The following RUNDC3B variants were observed in gnomAD, a reference collection of about 807,000 sequenced individuals.
The protein encoded by RUNDC3B is RUN domain-containing protein 3B.
RUNDC3B carries 33 observed loss-of-function variants against 58.4 expected under a neutral mutation model. The ratio of observed to expected loss-of-function variants is 0.56; its 90% confidence interval spans 0.43 to 0.75. The LOEUF (loss-of-function observed/expected upper bound fraction) is 0.75, where lower values mean the gene tolerates loss of function less well. RUNDC3B is among the 30% of genes least tolerant of loss of function. RUNDC3B has a pLI of 0.00. For missense variants in RUNDC3B, 501 were observed against 535.7 expected (o/e 0.94, Z 0.64); for synonymous variants, 193 against 195.2 (o/e 0.99, Z 0.10).
intron 8 of RUNDC3B, among the ~76,000 whole-genome samples, chr7:87,800,228 A>C (rs574632897): frequency 3.9e-5 from 6 of 152,300 alleles, no homozygotes; most frequent in African/African-American, 7.2e-5. Flanking sequence ...AGGAAGAAGC[A>C]AAGTAGAGGG....
At chr7:87,668,363 T>C (rs973846696) in intron 2 of RUNDC3B, among the ~76,000 whole-genome samples, 2 of 152,050 alleles carry the variant, frequency 1.3e-5, no homozygotes, top group African/African-American at 4.8e-5. Flanking sequence ...TGTGTTTATT[T>C]GGAGCTTTTC....
chr7:87,651,793 T>C (rs572075689), intron 2 of RUNDC3B, among the ~76,000 whole-genome samples: 76 of 152,194 alleles, frequency 5.0e-4, no homozygotes, highest in African/African-American at 1.6e-3. Context: ...TTTAAATGAG[T>C]TGAGCAGTAC....
chr7:87,755,471 A>G (rs533112805), intron 6 of RUNDC3B, among the ~76,000 whole-genome samples: 2 of 152,322 alleles, frequency 1.3e-5, no homozygotes, highest in African/African-American at 4.8e-5. Context: ...TCCTTGATGA[A>G]CATTATTACA....
chr7:87,694,394 C>A (rs1052999039), intron 2 of RUNDC3B, among the ~76,000 whole-genome samples: 6 of 152,032 alleles, frequency 3.9e-5, no homozygotes, highest in Admixed American at 1.3e-4. Context: ...TTATTCAAAC[C>A]TTTTCTTTAA....
At chr7:87,817,583 C>G (rs754449559) in intron 10 of RUNDC3B, among the ~76,000 whole-genome samples, 2 of 152,200 alleles carry the variant, frequency 1.3e-5, no homozygotes, top group Non-Finnish European at 2.9e-5. Context: ...GCTTTTTCCA[C>G]TGCCCCAGAG....
intron 7 of RUNDC3B, among the ~76,000 whole-genome samples, chr7:87,773,557 T>A (rs957584270): frequency 1.3e-4 from 20 of 152,174 alleles, no homozygotes; most frequent in Admixed American, 6.5e-4. Context: ...TGATCTAAAA[T>A]ATATTAAATG....
At chr7:87,694,876 G>A (rs981059330) in intron 2 of RUNDC3B, among the ~76,000 whole-genome samples, 1 of 152,018 alleles carries the variant, frequency 6.6e-6, no homozygotes, top group Non-Finnish European at 1.5e-5. Flanking sequence ...TAATCTTTTT[G>A]TTTTGGAAAA....
intron 2 of RUNDC3B, 107 bp downstream of exon 2, chr7:87,651,044 A>G (rs879142721): frequency 1.5e-6 from 1 of 646,660 alleles, no homozygotes; most frequent in Admixed American, 2.8e-5. Context: ...AACATTCTAT[A>G]ATGTGAAATG....
At chr7:87,746,851 G>A (rs1284208489) in intron 6 of RUNDC3B, among the ~76,000 whole-genome samples, 1 of 152,116 alleles carries the variant, frequency 6.6e-6, no homozygotes, top group Admixed American at 6.5e-5. Flanking sequence ...CATTCATTGT[G>A]CTCTTTGTTG....
intron 6 of RUNDC3B, among the ~76,000 whole-genome samples, chr7:87,750,227 C>G (rs1193908453): frequency 6.6e-6 from 1 of 152,122 alleles, no homozygotes; most frequent in Non-Finnish European, 1.5e-5. Flanking sequence ...TTTATGGCTT[C>G]ATAGTATTCC....
chr7:87,693,245 G>C (rs1451349760), intron 2 of RUNDC3B, among the ~76,000 whole-genome samples: 1 of 152,084 alleles, frequency 6.6e-6, no homozygotes, highest in Admixed American at 6.6e-5. Context: ...GTTAGAAGCT[G>C]TAACAAATAA....
intron 8 of RUNDC3B, among the ~76,000 whole-genome samples, chr7:87,806,343 C>T (rs1395233474): frequency 1.3e-5 from 2 of 152,120 alleles, no homozygotes; most frequent in Non-Finnish European, 1.5e-5. Context: ...TTGTGCTGCC[C>T]TTACCTCACT....
At chr7:87,792,787 G>T (rs1447566921) in intron 8 of RUNDC3B, among the ~76,000 whole-genome samples, 2 of 151,842 alleles carry the variant, frequency 1.3e-5, no homozygotes, top group Non-Finnish European at 2.9e-5. Context: ...ACCTAATGAT[G>T]CATCTTAAAG....
chr7:87,647,131 AT>A (rs1823084495), intron 1 of RUNDC3B, among the ~76,000 whole-genome samples: 1 of 152,178 alleles, frequency 6.6e-6, no homozygotes, highest in African/African-American at 2.4e-5. Flanking sequence ...AATTTGTATC[AT>A]TCTCGTTTCA....
At position 87,822,262 on chromosome 7, in the gene RUNDC3B, A is replaced by G. The variant is rs534745562; in HGVS notation, c.1225+6000A>G. 5.1e-3 allele frequency among the ~76,000 whole-genome samples: 782 copies of G among 152,354 alleles called. 9 individuals carry two copies. Among genetic ancestry groups the G allele is most frequent in the African/African-American group, 0.018 (733 of 41,588 alleles). ...AGACACTTCTCAAAAGAAGACATTT[A>G]TGCAGCCAAAAAACACATGAAAAAA... On this transcript the variant is annotated intron_variant, in intron 10 of 10. Coordinates refer to ENST00000394654, the MANE Select transcript of RUNDC3B (RefSeq NM_001134405.2).
intron 2 of RUNDC3B, among the ~76,000 whole-genome samples, chr7:87,667,324 G>T (rs1045702296): frequency 2.0e-5 from 3 of 151,744 alleles, no homozygotes; most frequent in African/African-American, 4.8e-5. Context: ...AGTGATTTTT[G>T]TACATTGATT....
chr7:87,678,089 G>T (rs369135400), intron 2 of RUNDC3B, among the ~76,000 whole-genome samples: 2 of 152,318 alleles, frequency 1.3e-5, no homozygotes, highest in South Asian at 2.1e-4. Flanking sequence ...AGAAAACTTG[G>T]AACTTCATGA....
rs1237704982 is a variant in RUNDC3B at position 87,771,692 on chromosome 7, C to CAT, written c.798+945_798+946dup. On this transcript the variant is annotated intron_variant, in intron 7 of 10. Coordinates refer to ENST00000394654, the MANE Select transcript of RUNDC3B (RefSeq NM_001134405.2). ...TAGGCCCCAGGGATGGGGGTGAAGGCATAATTCCTTAACCTAGAAACTTGC... is the reference window on the plus strand; with the variant it reads ...TAGGCCCCAGGGATGGGGGTGAAGGCATATAATTCCTTAACCTAGAAACTTGC... Among the ~76,000 whole-genome samples, 3 of 152,294 alleles carry CAT rather than the reference C, an allele frequency of 2.0e-5. No individual in the cohort carries two copies. The East Asian group carries it at 5.8e-4, about 29-fold the overall frequency.
intron 3 of RUNDC3B, among the ~76,000 whole-genome samples, chr7:87,705,731 T>C (rs1262798411): frequency 2.0e-5 from 3 of 152,216 alleles, no homozygotes; most frequent in African/African-American, 7.2e-5. Flanking sequence ...ATCTCATTCT[T>C]TTCTGAACTC....
Sources: gnomAD v4.1 joint callset for allele counts (sites outside exome capture counted in the v4.1 genomes callset) on GRCh38, gnomAD v4.1.1 for gene constraint, MANE v1.5 for transcripts, NCBI Gene and HGNC (gene_info 2026-07-23, HGNC 2026-07-21) for gene names.